Variants in LRRTM4 observed in about 807,000 individuals in gnomAD.
LRRTM4 encodes the protein leucine rich repeat transmembrane neuronal 4.
LRRTM4 carries 25 observed loss-of-function variants against 47.6 expected under a neutral mutation model. The ratio of observed to expected loss-of-function variants is 0.53; its 90% CI spans 0.38 to 0.73. The LOEUF is 0.73. LRRTM4 is among the 30% of genes least tolerant of loss of function. The probability of loss-of-function intolerance (pLI) is 0.00; values close to 1 mark genes in which losing one functional copy is unlikely to be tolerated. For missense variants in LRRTM4, 638 were observed against 713.4 expected, an observed-to-expected ratio of 0.89 and a Z score of 1.20; for synonymous variants, 311 against 269.5, an observed-to-expected ratio of 1.15 and a Z score of -1.51.
At chr2:76,806,686 G>T (rs1479210718) in intron 3 of LRRTM4, among the ~76,000 whole-genome samples, 2 of 152,020 alleles carry the variant, frequency 1.3e-5, no homozygotes, top group Non-Finnish European at 2.9e-5. Flanking sequence ...ACTGAAAAGA[G>T]AAGTTAAAAA....
intron 3 of LRRTM4, among the ~76,000 whole-genome samples, chr2:77,342,967 T>C (rs1253523468): frequency 6.6e-6 from 1 of 151,950 alleles, no homozygotes; most frequent in African/African-American, 2.4e-5. Context: ...ATGATACTCT[T>C]TAGCTTTTGT....
At chr2:77,454,670 G>T (rs994183019) in intron 3 of LRRTM4, among the ~76,000 whole-genome samples, 1 of 151,754 alleles carries the variant, frequency 6.6e-6, no homozygotes, top group Non-Finnish European at 1.5e-5. Context: ...GAAATAAAAG[G>T]GTTTTTAAAT....
chr2:76,974,004 C>T (rs943916246), intron 3 of LRRTM4, among the ~76,000 whole-genome samples: 10 of 151,478 alleles, frequency 6.6e-5, no homozygotes, highest in African/African-American at 2.4e-4. Flanking sequence ...CTGTCCAGTG[C>T]TTTTTGCCCC....
At position 77,172,415 on chromosome 2, in the gene LRRTM4, T is replaced by C. The variant is rs541965051; in HGVS notation, c.1551+345903A>G. Among the ~76,000 whole-genome samples, 20 of 152,056 alleles carry C rather than the reference T, an allele frequency of 1.3e-4. No individual in the cohort carries two copies. The South Asian group carries it at 3.3e-3, about 25-fold the overall frequency. The stretch of plus-strand genomic sequence containing the variant: ...TTCGAGACTAGCCTGGCCAATATGG[T>C]GAAACCCCGTCTCTAGTAAAAATAC... On this transcript the variant is annotated intron_variant, in intron 3 of 3. Transcript: ENST00000409884.
chr2:76,933,725 C>A (rs1019582454), intron 3 of LRRTM4, among the ~76,000 whole-genome samples: 1 of 151,956 alleles, frequency 6.6e-6, no homozygotes, highest in Non-Finnish European at 1.5e-5. Flanking sequence ...GGATCTGAGA[C>A]TGATGATTTA....
chr2:77,021,252 C>T (rs1482934518), intron 3 of LRRTM4, among the ~76,000 whole-genome samples: 2 of 151,972 alleles, frequency 1.3e-5, no homozygotes, highest in African/African-American at 4.8e-5. Flanking sequence ...AGACCACGAA[C>T]TTGAAGACGA....
chr2:76,974,375 G>T (rs929808296), intron 3 of LRRTM4, among the ~76,000 whole-genome samples: 1 of 150,262 alleles, frequency 6.7e-6, no homozygotes, highest in African/African-American at 2.4e-5. Flanking sequence ...TGGTTTTTGA[G>T]CTAGTAACGT....
intron 3 of LRRTM4, among the ~76,000 whole-genome samples, chr2:76,830,107 T>G (rs1233071044): frequency 6.6e-6 from 1 of 152,022 alleles, no homozygotes; most frequent in African/African-American, 2.4e-5. Context: ...AAACACCTCA[T>G]CATTTTACAT....
intron 3 of LRRTM4, among the ~76,000 whole-genome samples, chr2:76,838,773 G>C (rs1171505937): frequency 1.3e-5 from 2 of 152,016 alleles, no homozygotes; most frequent in Non-Finnish European, 2.9e-5. Context: ...CGTTGAACAT[G>C]GGACATGTTA....
intron 3 of LRRTM4, among the ~76,000 whole-genome samples, chr2:77,252,970 C>G (rs181217799): frequency 6.6e-6 from 1 of 152,140 alleles, no homozygotes; most frequent in Non-Finnish European, 1.5e-5. Flanking sequence ...GCTTTTAAAT[C>G]TATGTAAAAT....
At chr2:77,465,405 C>T (rs992840525) in intron 3 of LRRTM4, among the ~76,000 whole-genome samples, 3 of 152,218 alleles carry the variant, frequency 2.0e-5, no homozygotes, top group Admixed American at 2.0e-4. Context: ...TTTGACACAG[C>T]GTTTCCCCAT....
intron 3 of LRRTM4, among the ~76,000 whole-genome samples, chr2:76,885,697 C>T (rs1262608068): frequency 6.6e-6 from 1 of 152,008 alleles, no homozygotes; most frequent in Admixed American, 6.5e-5. Flanking sequence ...AATCTCCTGA[C>T]GTCGTGATCC....
intron 3 of LRRTM4, among the ~76,000 whole-genome samples, chr2:77,017,968 AAATAT>A (rs1184769466): frequency 6.6e-6 from 1 of 151,870 alleles, no homozygotes; most frequent in African/African-American, 2.4e-5. Context: ...CATAATACTT[AAATAT>A]ATTTTATATA....
chr2:76,988,465 G>T (rs192274993), intron 3 of LRRTM4, among the ~76,000 whole-genome samples: 2 of 151,892 alleles, frequency 1.3e-5, no homozygotes, highest in Non-Finnish European at 2.9e-5. Flanking sequence ...GTGATGGAAT[G>T]TTCCAGTCTA....
chr2:77,132,668 G>T (rs906637148), intron 3 of LRRTM4, among the ~76,000 whole-genome samples: 2 of 152,108 alleles, frequency 1.3e-5, no homozygotes, highest in African/African-American at 4.8e-5. Context: ...GAGCAAAAAG[G>T]GCAGAATGCT....
intron 3 of LRRTM4, among the ~76,000 whole-genome samples, chr2:77,042,473 G>A (rs6754347): frequency 0.35 from 53,217 of 151,324 alleles, 11,016 homozygotes; most frequent in African/African-American, 0.57. Context: ...TTTGATGTAT[G>A]AAACATAGTA....
At chr2:77,063,152 G>C (rs898831417) in intron 3 of LRRTM4, among the ~76,000 whole-genome samples, 9 of 151,694 alleles carry the variant, frequency 5.9e-5, no homozygotes, top group Non-Finnish European at 8.8e-5. Flanking sequence ...GAGAGACAGG[G>C]TTTCACCATA....
chr2:76,852,160 A>G (rs1005539303), intron 3 of LRRTM4, among the ~76,000 whole-genome samples: 20 of 152,158 alleles, frequency 1.3e-4, no homozygotes, highest in African/African-American at 2.9e-4. Context: ...AAATTGCACA[A>G]TAAGAAAGGA....
intron 3 of LRRTM4, among the ~76,000 whole-genome samples, chr2:77,389,524 A>G (rs1673418638): frequency 6.6e-6 from 1 of 152,162 alleles, no homozygotes; most frequent in African/African-American, 2.4e-5. Flanking sequence ...TTTAGATAGA[A>G]AACAAAAAGA....
Sources: allele counts gnomAD v4.1 joint callset (sites outside exome capture counted in the v4.1 genomes callset), GRCh38; gene constraint gnomAD v4.1.1; transcripts MANE v1.5; gene names NCBI Gene and HGNC (gene_info 2026-07-23, HGNC 2026-07-21).